The following RASA3 variants were observed in gnomAD, a reference collection of about 807,000 sequenced individuals.
The protein encoded by RASA3 is ras GTPase-activating protein 3.
RASA3 carries 73 observed loss-of-function variants against 110.0 expected under a neutral mutation model. That is an observed-to-expected ratio of 0.66 (90% CI 0.55 to 0.81). RASA3 has a LOEUF of 0.81. Among genes scored for constraint, RASA3 ranks in the 30% least tolerant of loss-of-function variants. The pLI is 0.00. For synonymous variants in RASA3, 500 were observed against 451.4 expected (o/e 1.11, Z -1.37); for missense variants, 976 against 1,113.2 (o/e 0.88, Z 1.75).
chr13:114,055,241 G>A (rs908243600), intron 2 of RASA3, among the ~76,000 whole-genome samples: 20 of 152,366 alleles, frequency 1.3e-4, no homozygotes, highest in Admixed American at 1.1e-3. Flanking sequence ...ATGTTCATGC[G>A]TGCATGCATG....
rs1480693914 is a variant in RASA3 at position 114,065,077 on chromosome 13, A to C, written c.173+8643T>G. Among the ~76,000 whole-genome samples, 5 of 152,262 alleles carry C rather than the reference A, an allele frequency of 3.3e-5. No individual in the cohort carries two copies. The highest frequency in any genetic ancestry group is 7.3e-5 in the Non-Finnish European group (5 of 68,044). On this transcript the variant is annotated intron_variant, in intron 2 of 23. Transcript: ENST00000334062. The surrounding 1 kb of genome is among the most constrained non-coding windows in gnomAD (Gnocchi z 4.1). Reference sequence around the variant, plus strand: ...GGAAAAAAGAAAAAACCTCTTGCAGAAAACAGAGTTGACCTTTAAGTAGTG... The same window carrying C: ...GGAAAAAAGAAAAAACCTCTTGCAGCAAACAGAGTTGACCTTTAAGTAGTG...
intron 1 of RASA3, among the ~76,000 whole-genome samples, chr13:114,117,524 CGTGAGGGGTGCACATGT>C (rs1398928991): frequency 4.7e-5 from 3 of 64,022 alleles, no homozygotes; most frequent in Non-Finnish European, 9.3e-5. Flanking sequence ...TGAGCATGTG[CGTGAGGGGTGCACATGT>C]GTGAGGGGAG....
At chr13:114,068,581 G>T (rs1052909366) in intron 2 of RASA3, among the ~76,000 whole-genome samples, 2 of 152,194 alleles carry the variant, frequency 1.3e-5, no homozygotes, top group African/African-American at 4.8e-5. Flanking sequence ...GGGGAGCGGG[G>T]TCATCTCCTT....
chr13:114,092,075 T>TA (rs1348965037), intron 1 of RASA3, among the ~76,000 whole-genome samples: 2 of 152,094 alleles, frequency 1.3e-5, no homozygotes, highest in Non-Finnish European at 1.5e-5. Flanking sequence ...TTTTTTTTCT[T>TA]AGTCTAGCTA....
At position 114,090,143 on chromosome 13, in the gene RASA3, G is replaced by C. The variant is rs185777016; in HGVS notation, c.56-16306C>G. ...TCCCATGTGAACACGGACAGCTTTG[G>C]GATTCTCTTGATTATTTACCAACGG... On this transcript the variant is annotated intron_variant, in intron 1 of 23. Transcript: ENST00000334062. Among the ~76,000 whole-genome samples the C allele has an allele frequency of 1.5e-3, 227 of 152,284 alleles. 2 individuals are homozygous for C. Among genetic ancestry groups the C allele is most frequent in the African/African-American group, 5.2e-3 (217 of 41,548 alleles).
At chr13:114,127,416 C>T (rs187124505) in intron 1 of RASA3, among the ~76,000 whole-genome samples, 2 of 152,332 alleles carry the variant, frequency 1.3e-5, no homozygotes, top group East Asian at 3.9e-4. Context: ...TCTGCATCTC[C>T]AAACTGTCTT....
Position 114,096,900 on chromosome 13 carries a change from T to C in RASA3, c.56-23063A>G, listed in dbSNP as rs1594449354. Among the ~76,000 whole-genome samples, 4 of 152,308 alleles carry C rather than the reference T, an allele frequency of 2.6e-5. No homozygotes were observed. The highest frequency in any genetic ancestry group is 3.4e-3 in the Middle Eastern group (1 of 294). ...CAAACGCACTCCGTGTTTGCCAACA[T>C]GTGCGCCTTTGAACATGCGTTCTCT... On this transcript the variant is annotated intron_variant, in intron 1 of 23. Coordinates refer to ENST00000334062, the MANE Select transcript of RASA3 (RefSeq NM_007368.4). This position sits in a 1 kb window ranked among gnomAD's most constrained non-coding sequence, Gnocchi z 5.1.
At chr13:114,030,435 G>GACTCACACA (rs1566501561) in intron 4 of RASA3, among the ~76,000 whole-genome samples, 25 of 65,834 alleles carry the variant, frequency 3.8e-4, no homozygotes, top group African/African-American at 8.5e-4. Context: ...CAGAGGGCAA[G>GACTCACACA]GCTCACACAG....
At chr13:113,992,019 TCA>T (rs1177371831) in intron 22 of RASA3, among the ~76,000 whole-genome samples, 9 of 151,428 alleles carry the variant, frequency 5.9e-5, no homozygotes, top group African/African-American at 1.7e-4. Flanking sequence ...ATGTCCACAT[TCA>T]CACATCCACA....
intron 2 of RASA3, among the ~76,000 whole-genome samples, chr13:114,072,326 TG>T (rs1323353638): frequency 1.3e-5 from 2 of 152,208 alleles, no homozygotes; most frequent in African/African-American, 4.8e-5. Context: ...CTGGACATCC[TG>T]GGGTCGGCAC....
intron 4 of RASA3, among the ~76,000 whole-genome samples, chr13:114,032,518 G>A (rs1489524405): frequency 2.0e-5 from 3 of 152,210 alleles, no homozygotes; most frequent in East Asian, 1.9e-4. Flanking sequence ...CTGGGTCGTG[G>A]GCGCAGCCTG....
chr13:114,016,054 G>A, intron 13 of RASA3, 143 bp downstream of exon 13: 1 of 672,726 alleles, frequency 1.5e-6, no homozygotes, highest in South Asian at 1.6e-5. Flanking sequence ...GCGTACTGCA[G>A]CCGGGTGAGG....
intron 2 of RASA3, among the ~76,000 whole-genome samples, chr13:114,054,962 G>A (rs1042886734): frequency 2.2e-4 from 30 of 138,276 alleles, no homozygotes; most frequent in Non-Finnish European, 4.1e-4. Flanking sequence ...GTGTGGGTGT[G>A]TGCACGTGTG....
intron 10 of RASA3, among the ~76,000 whole-genome samples, chr13:114,018,505 A>G (rs1344514893): frequency 6.6e-6 from 1 of 152,038 alleles, no homozygotes; most frequent in Non-Finnish European, 1.5e-5. Context: ...CGGTAGAGGG[A>G]CTCTGATGAT....
At chr13:114,023,573 G>T (rs757444895) in intron 8 of RASA3, among the ~76,000 whole-genome samples, 8 of 152,234 alleles carry the variant, frequency 5.3e-5, no homozygotes, top group African/African-American at 1.9e-4. Context: ...AACCCGCCGG[G>T]GTTTGTGAAG....
chr13:114,030,767 G>A (rs1449154825), intron 4 of RASA3, among the ~76,000 whole-genome samples: 7 of 148,432 alleles, frequency 4.7e-5, no homozygotes, highest in African/African-American at 1.8e-4. Flanking sequence ...GTGTATGTGA[G>A]CATGCTGCTG....
chr13:114,029,751 C>A, intron 5 of RASA3, 60 bp downstream of exon 5: 3 of 1,487,828 alleles, frequency 2.0e-6, no homozygotes, highest in Non-Finnish European at 2.7e-6. Context: ...CCTGTGTGCT[C>A]CTCGGGAGCC....
At position 114,007,961 on chromosome 13, in the gene RASA3, G is replaced by A. The variant is rs568739540; in HGVS notation, c.1669-355C>T. Among the ~76,000 whole-genome samples the A allele has an allele frequency of 3.7e-3, 454 of 121,086 alleles. 20 individuals carry two copies. Among genetic ancestry groups the A allele is most frequent in the African/African-American group, 0.014 (430 of 30,814 alleles). The allele number at this position is 121,086 out of a possible 152,430, so 79.4% of individuals were successfully genotyped here. A position where few individuals can be genotyped will look rare whatever the true frequency, so the allele number is the denominator to read the frequency against. On this transcript the variant is annotated intron_variant, in intron 17 of 23. Coordinates refer to ENST00000334062, the MANE Select transcript of RASA3 (RefSeq NM_007368.4). ...GGGGAGGAGCAGAGCCCTGGGGCCT[G>A]GAGGTTGCCCCCACGCACCGCGTTC... is the stretch of plus-strand genomic sequence containing the variant.
At chr13:114,074,489 A>C (rs2079634358) in intron 1 of RASA3, among the ~76,000 whole-genome samples, 1 of 152,208 alleles carries the variant, frequency 6.6e-6, no homozygotes, top group South Asian at 2.1e-4. Flanking sequence ...TCCATGATGC[A>C]AAGGGACCTC....
Sources: gnomAD v4.1 joint callset for allele counts (sites outside exome capture counted in the v4.1 genomes callset) on GRCh38, gnomAD v4.1.1 for gene constraint, Gnocchi (gnomAD v3.1) non-coding constraint, MANE v1.5 for transcripts, NCBI Gene and HGNC (gene_info 2026-07-23, HGNC 2026-07-21) for gene names.